CCDC171: variants seen among roughly 807,000 people sequenced by gnomAD.
CCDC171 encodes the protein coiled-coil domain-containing protein 171.
CCDC171 carries 177 observed loss-of-function variants against 168.2 expected under a neutral mutation model. That is an observed-to-expected ratio of 1.05 (90% CI 0.93 to 1.19). The LOEUF is 1.19. CCDC171 is among the 50% of genes most tolerant of loss of function. The probability of loss-of-function intolerance (pLI) is 0.00; values close to 1 mark genes in which losing one functional copy is unlikely to be tolerated. For synonymous variants in CCDC171, 687 were observed against 540.8 expected, an observed-to-expected ratio of 1.27 and a Z score of -3.75; for missense variants, 1,991 against 1,539.0, an observed-to-expected ratio of 1.29 and a Z score of -4.91.
rs1356825492 is a variant in CCDC171, at chr9:15,971,998, T to A, written c.*162T>A. On this transcript the variant is annotated 3_prime_UTR_variant, in exon 26 of 26. Coordinates refer to ENST00000380701, the MANE Select transcript of CCDC171 (RefSeq NM_173550.4). Reference sequence around the variant, plus strand: ...ATTCTGGTAGCTCTGTCTCCTTGAATAAGGAAATAGCCAACTTTTTTCTCT... The same window carrying A: ...ATTCTGGTAGCTCTGTCTCCTTGAAAAAGGAAATAGCCAACTTTTTTCTCT... 3.6e-6 allele frequency: 2 copies of A among 558,150 alleles called. No homozygotes were observed. The highest frequency in any genetic ancestry group is 6.2e-6 in the Non-Finnish European group (2 of 323,700). 34.6% of individuals were successfully genotyped at this position (558,150 alleles called of 1,614,324 possible).
At chr9:15,702,110 A>G (rs2051798255) in intron 11 of CCDC171, among the ~76,000 whole-genome samples, 1 of 152,226 alleles carries the variant, frequency 6.6e-6, no homozygotes, top group African/African-American at 2.4e-5. Context: ...GACCAAGTAC[A>G]TTGTCAATGA....
intron 11 of CCDC171, among the ~76,000 whole-genome samples, chr9:15,697,628 T>A (rs1003502072): frequency 1.3e-5 from 2 of 152,238 alleles, no homozygotes; most frequent in African/African-American, 2.4e-5. Context: ...GTTATGTTTA[T>A]ACTATAGTGT....
At chr9:15,984,709 T>G (rs143732009) in intron 3 of CCDC171, among the ~76,000 whole-genome samples, 2 of 152,240 alleles carry the variant, frequency 1.3e-5, no homozygotes, top group Admixed American at 6.5e-5. Context: ...ATTACAAAGT[T>G]CTCATGATTT....
chr9:16,059,638 C>T (rs1833901040), intron 1 of CCDC171, among the ~76,000 whole-genome samples: 2 of 149,778 alleles, frequency 1.3e-5, no homozygotes, highest in African/African-American at 5.0e-5. Flanking sequence ...CCTCAGCCTC[C>T]CGAGTAGCTG....
At chr9:15,944,118 C>T (rs1288979371) in intron 25 of CCDC171, among the ~76,000 whole-genome samples, 2 of 151,930 alleles carry the variant, frequency 1.3e-5, no homozygotes, top group Non-Finnish European at 2.9e-5. Context: ...CATATACATA[C>T]CCTTACAGGT....
Position 15,695,243 on chromosome 9 carries a change from G to A in CCDC171, c.1224G>A (p.Lys408=), listed in dbSNP as rs2051126794. Residue 408 remains lysine (K), a synonymous_variant, in exon 11 of 26, where the codon AAG becomes AAA. Transcript: ENST00000380701. ...ELQEELVMAK[K]HQAFLVETCE... is the part of the protein sequence containing the mutation. ...TTTTTCTTAATTAAAAGGCTAAGAA[G>A]CACCAGGCCTTCCTAGTAGAGACAT... 2 of 1,613,018 alleles carry A rather than the reference G, an allele frequency of 1.2e-6. No individual in the cohort carries two copies. Among genetic ancestry groups the A allele is most frequent in the African/African-American group, 1.3e-5 (1 of 74,890 alleles).
chr9:15,725,107 A>G, intron 14 of CCDC171, 131 bp downstream of exon 14: 1 of 660,400 alleles, frequency 1.5e-6, no homozygotes, highest in Non-Finnish European at 2.6e-6. Context: ...AATGTTTGTG[A>G]CAGCTACAAA....
At chr9:15,623,027 A>G (rs1466298284) in intron 6 of CCDC171, among the ~76,000 whole-genome samples, 1 of 152,208 alleles carries the variant, frequency 6.6e-6, no homozygotes, top group Non-Finnish European at 1.5e-5. Flanking sequence ...CATATGCTAT[A>G]ACATTTTCCG....
intron 7 of CCDC171, among the ~76,000 whole-genome samples, chr9:15,655,178 A>G (rs1262559255): frequency 5.0e-5 from 1 of 19,858 alleles, no homozygotes; most frequent in Non-Finnish European, 1.4e-4. Flanking sequence ...AACTTAAAGT[A>G]TAAAAAAAAA....
At chr9:15,837,283 C>T (rs1055834422) in intron 21 of CCDC171, among the ~76,000 whole-genome samples, 6 of 152,112 alleles carry the variant, frequency 3.9e-5, no homozygotes, top group African/African-American at 7.2e-5. Flanking sequence ...ATGGCGATCT[C>T]GCTCATTTAG....
chr9:15,877,911 G>A (rs1001357721), intron 24 of CCDC171, among the ~76,000 whole-genome samples: 3 of 152,046 alleles, frequency 2.0e-5, no homozygotes, highest in East Asian at 1.9e-4. Flanking sequence ...TTTCGATTCA[G>A]TAGTAAACAA....
chr9:16,020,659 A>G (rs1187699194), exon 4 of CCDC171: 1 of 154,404 alleles, frequency 6.5e-6, no homozygotes, highest in African/African-American at 2.4e-5. Context: ...GTACTGTGAC[A>G]TGGCAACCAA....
At chr9:15,883,458 T>A (rs1234722036) in intron 24 of CCDC171, among the ~76,000 whole-genome samples, 3 of 152,172 alleles carry the variant, frequency 2.0e-5, no homozygotes, top group African/African-American at 7.2e-5. Context: ...GTCTCTCAAC[T>A]CCTTCTGATA....
At chr9:16,049,972 T>C (rs3008675) in intron 1 of CCDC171, among the ~76,000 whole-genome samples, 98,897 of 152,058 alleles carry the variant, frequency 0.65, 34,975 homozygotes, top group East Asian at 0.85. Context: ...CTGCAACCTC[T>C]GCCTCCCTAG....
At chr9:15,791,841 G>T (rs1225358633) in intron 21 of CCDC171, among the ~76,000 whole-genome samples, 1 of 152,184 alleles carries the variant, frequency 6.6e-6, no homozygotes, top group Non-Finnish European at 1.5e-5. Context: ...CATCATCAAA[G>T]ACCAAAGGTA....
intron 24 of CCDC171, among the ~76,000 whole-genome samples, chr9:15,918,820 C>G (rs944345609): frequency 6.6e-6 from 1 of 151,504 alleles, no homozygotes; most frequent in South Asian, 2.1e-4. Flanking sequence ...TAAGATTATA[C>G]TTTCCCAAAC....
chr9:15,922,232 C>G (rs927938661), intron 25 of CCDC171: 3 of 345,342 alleles, frequency 8.7e-6, no homozygotes, highest in Admixed American at 5.0e-5. Flanking sequence ...CTGCCCAATT[C>G]CATGTCTTGA....
intron 1 of CCDC171, among the ~76,000 whole-genome samples, chr9:15,561,545 CT>C (rs2039301268): frequency 6.6e-6 from 1 of 152,136 alleles, no homozygotes; most frequent in African/African-American, 2.4e-5. Flanking sequence ...TTTAACTTAA[CT>C]TTGTATTCCA....
At chr9:16,051,347 C>T (rs2133071323) in intron 1 of CCDC171, among the ~76,000 whole-genome samples, 1 of 152,150 alleles carries the variant, frequency 6.6e-6, no homozygotes, top group Non-Finnish European at 1.5e-5. Flanking sequence ...GCAAGCAGTC[C>T]CCAGCCCTTG....
Sources: gnomAD v4.1 joint callset for allele counts (sites outside exome capture counted in the v4.1 genomes callset) on GRCh38, gnomAD v4.1.1 for gene constraint, MANE v1.5 for transcripts, NCBI Gene and HGNC (gene_info 2026-07-23, HGNC 2026-07-21) for gene names.